BEND4: variants seen among roughly 807,000 people sequenced by gnomAD.
BEND4 encodes BEN domain-containing protein 4.
Under a neutral mutation model 54.7 loss-of-function variants are expected in BEND4, and 27 were observed. That is an observed-to-expected ratio of 0.49 (90% CI 0.36 to 0.68). The LOEUF (loss-of-function observed/expected upper bound fraction) is 0.68. Among genes scored for constraint, BEND4 ranks in the 30% least tolerant of loss-of-function variants. BEND4 has a pLI of 0.00. For missense variants in BEND4, 702 were observed against 697.2 expected, an observed-to-expected ratio of 1.01 and a Z score of -0.08; for synonymous variants, 327 against 299.5, an observed-to-expected ratio of 1.09 and a Z score of -0.95.
At chr4:42,150,991 A>T (rs1321240070) in intron 2 of BEND4, 1 of 152,238 alleles carries the variant, frequency 6.6e-6, no homozygotes, top group Non-Finnish European at 1.5e-5. Flanking sequence ...CCCGCGCCCG[A>T]AATCCACGGC....
At position 42,114,119 on chromosome 4, in the gene BEND4, T is replaced by G. The variant is rs1448175611; in HGVS notation, c.*3399A>C. The G allele has an allele frequency of 6.6e-6, 1 of 152,208 alleles. No homozygotes were observed. Among genetic ancestry groups the G allele is most frequent in the African/African-American group, 2.4e-5 (1 of 41,450 alleles). 9.4% of individuals were successfully genotyped at this position (152,208 alleles called of 1,614,324 possible). On this transcript the variant is annotated 3_prime_UTR_variant, in exon 6 of 6. Coordinates refer to ENST00000502486, the MANE Select transcript of BEND4 (RefSeq NM_207406.4). ...AACACTAAGGTTAAGCCATGAGATT[T>G]TGAACAATGCACCGTCAAGAGTCAG... is the stretch of plus-strand genomic sequence containing the variant.
At chr4:42,125,805 C>A in intron 3 of BEND4, 131 bp from the exon 4 acceptor site, 1 of 582,038 alleles carries the variant, frequency 1.7e-6, no homozygotes, top group Non-Finnish European at 3.0e-6. Flanking sequence ...GTGTGGTGAT[C>A]TCAGCTCACT....
In BEND4 at chr4:42,120,269, TAGTTGTTCAA is replaced by T; in HGVS notation, c.1162_1171del (p.Leu388IlefsTer5). ...CTGTTTGCTCGTTATGTAGACAGGA[TAGTTGTTCAA>T]CAGCTGCTTGCTTCCCTGGAAAAGC... On this transcript the variant is annotated frameshift_variant, in exon 5 of 6. Transcript: ENST00000502486. LOFTEE classifies it high-confidence loss of function. 6.2e-7 allele frequency: 1 copy of T among 1,602,856 alleles called. No homozygotes were observed. The highest frequency in any genetic ancestry group is 8.5e-7 in the Non-Finnish European group (1 of 1,170,430).
intron 3 of BEND4, among the ~76,000 whole-genome samples, chr4:42,133,803 G>A (rs558724538): frequency 5.9e-5 from 9 of 152,306 alleles, no homozygotes; most frequent in East Asian, 3.9e-4. Flanking sequence ...ACAGTGAGCC[G>A]AGATAGTGCC....
At chr4:42,144,433 A>G (rs1459795231) in intron 2 of BEND4, among the ~76,000 whole-genome samples, 1 of 152,208 alleles carries the variant, frequency 6.6e-6, no homozygotes, top group Admixed American at 6.5e-5. Context: ...CTTGCTATTA[A>G]TCAGCTGATA....
intron 3 of BEND4, among the ~76,000 whole-genome samples, chr4:42,127,369 A>G (rs1358369901): frequency 2.0e-5 from 3 of 152,260 alleles, no homozygotes; most frequent in African/African-American, 7.2e-5. Context: ...ATAAGAGGTC[A>G]ACCAAAATAA....
chr4:42,145,771 C>A (rs555675971), intron 2 of BEND4, among the ~76,000 whole-genome samples: 38 of 152,028 alleles, frequency 2.5e-4, no homozygotes, highest in Admixed American at 1.2e-3. Flanking sequence ...TTACATCTCC[C>A]AAATCCTGAA....
chr4:42,121,787 G>A (rs533014075), intron 4 of BEND4, among the ~76,000 whole-genome samples: 1 of 152,210 alleles, frequency 6.6e-6, no homozygotes, highest in South Asian at 2.1e-4. Flanking sequence ...AGTGAAAGCT[G>A]TCGAACTGAG....
At position 42,143,759 on chromosome 4, in the gene BEND4, T is replaced by C; in HGVS notation, c.723A>G (p.Gln241=). The change falls in exon 3 of 6, where the codon CAA becomes CAG. Residue 241 remains glutamine, a synonymous_variant. Transcript: ENST00000502486. ...IEMQYMQRKQ[Q]TSAFLRVFTD... The stretch of plus-strand genomic sequence containing the variant: ...TGAAAACCCTCAAAAAGGCAGAAGT[T>C]TGTTGTTTCCTTTGCATATACTGCA... 1 of 1,613,902 alleles carries C rather than the reference T, an allele frequency of 6.2e-7. No homozygotes were observed. The highest frequency in any genetic ancestry group is 8.5e-7 in the Non-Finnish European group (1 of 1,179,834).
Position 42,139,651 on chromosome 4 carries a change from G to A in BEND4, c.1054+3777C>T, listed in dbSNP as rs143121484. 1.4e-3 allele frequency among the ~76,000 whole-genome samples: 219 copies of A among 151,292 alleles called. 4 individuals are homozygous for A. The East Asian group carries it at 0.037, about 26-fold the overall frequency. ...AAAGGCAGACAAATGACCGAGGAAC[G>A]CTACCTGGGCTCTGACCTGCAGTAG... On this transcript the variant is annotated intron_variant, in intron 3 of 5. Transcript: ENST00000502486.
intron 3 of BEND4, among the ~76,000 whole-genome samples, chr4:42,130,272 A>T (rs977395028): frequency 6.6e-6 from 1 of 152,154 alleles, no homozygotes; most frequent in Non-Finnish European, 1.5e-5. Context: ...CAAGGTCAGG[A>T]GATCGAGACC....
chr4:42,130,765 T>G (rs1720478330), intron 3 of BEND4, among the ~76,000 whole-genome samples: 1 of 152,172 alleles, frequency 6.6e-6, no homozygotes, highest in African/African-American at 2.4e-5. Flanking sequence ...CATGCACGTG[T>G]ATGTTCACTG....
chr4:42,126,836 C>T (rs1482017544), intron 3 of BEND4, among the ~76,000 whole-genome samples: 1 of 152,052 alleles, frequency 6.6e-6, no homozygotes, highest in Non-Finnish European at 1.5e-5. Context: ...TATAGCGAGA[C>T]CCTGTTCTCC....
intron 4 of BEND4, among the ~76,000 whole-genome samples, chr4:42,122,840 C>G (rs905229146): frequency 6.6e-6 from 1 of 152,134 alleles, no homozygotes; most frequent in African/African-American, 2.4e-5. Context: ...AATCCATTTC[C>G]AAGGCCTCAC....
chr4:42,125,298 C>T (rs1246989676), intron 4 of BEND4, among the ~76,000 whole-genome samples: 1 of 152,186 alleles, frequency 6.6e-6, no homozygotes, highest in Non-Finnish European at 1.5e-5. Context: ...GTTGGTGTCT[C>T]TCATTCCAGG....
intron 3 of BEND4, among the ~76,000 whole-genome samples, chr4:42,136,554 C>A (rs1720705686): frequency 6.6e-6 from 1 of 152,246 alleles, no homozygotes; most frequent in Non-Finnish European, 1.5e-5. Flanking sequence ...GCACTGAAAT[C>A]CTGACATGCA....
chr4:42,135,786 CAAA>C, intron 3 of BEND4, among the ~76,000 whole-genome samples: 1 of 142,514 alleles, frequency 7.0e-6, no homozygotes, highest in African/African-American at 3.0e-5. Flanking sequence ...AAAAACCAAC[CAAA>C]CAAACATACA....
At chr4:42,129,693 T>C (rs1720432648) in intron 3 of BEND4, among the ~76,000 whole-genome samples, 1 of 152,180 alleles carries the variant, frequency 6.6e-6, no homozygotes, top group South Asian at 2.1e-4. Context: ...ACTGAAACTA[T>C]ACCCCTTCCT....
intron 4 of BEND4, among the ~76,000 whole-genome samples, chr4:42,121,643 T>A (rs1720064088): frequency 1.3e-5 from 2 of 152,080 alleles, no homozygotes; most frequent in Admixed American, 1.3e-4. Flanking sequence ...GTGGACCCTG[T>A]GTATAAGAGA....
Sources: gnomAD v4.1 joint callset for allele counts (sites outside exome capture counted in the v4.1 genomes callset) on GRCh38, gnomAD v4.1.1 for gene constraint, MANE v1.5 for transcripts, NCBI Gene and HGNC (gene_info 2026-07-23, HGNC 2026-07-21) for gene names.